Variants in DSCAM observed in about 807,000 individuals in gnomAD.
DSCAM encodes DS cell adhesion molecule.
Under a neutral mutation model 217.7 loss-of-function variants are expected in DSCAM, and 47 were observed. The observed-to-expected ratio is 0.22, with a 90% CI of 0.17 to 0.28. The LOEUF (loss-of-function observed/expected upper bound fraction) is 0.28. Ranked by LOEUF, DSCAM falls within the 10% of genes least tolerant of loss-of-function variation. The probability of loss-of-function intolerance (pLI) is 1.00; values close to 1 mark genes in which losing one functional copy is unlikely to be tolerated. For missense variants in DSCAM, 2,080 were observed against 2,618.3 expected (o/e 0.79, Z 4.49); for synonymous variants, 1,056 against 1,015.3 (o/e 1.04, Z -0.76).
chr21:40,090,986 C>G (rs2089601603), intron 21 of DSCAM, among the ~76,000 whole-genome samples: 1 of 152,170 alleles, frequency 6.6e-6, no homozygotes, highest in African/African-American at 2.4e-5. Context: ...CTTGCTATCT[C>G]CTTCTCCACC....
intron 3 of DSCAM, among the ~76,000 whole-genome samples, chr21:40,583,826 T>G (rs997899524): frequency 6.0e-5 from 9 of 150,494 alleles, no homozygotes; most frequent in African/African-American, 2.2e-4. Flanking sequence ...ATGTGTGGGA[T>G]CAGGGGTGTA....
intron 3 of DSCAM, among the ~76,000 whole-genome samples, chr21:40,685,132 T>C (rs2146433947): frequency 6.6e-6 from 1 of 152,352 alleles, no homozygotes; most frequent in East Asian, 1.9e-4. Context: ...TTTCTTCATT[T>C]GCTTTCTCCA....
intron 3 of DSCAM, among the ~76,000 whole-genome samples, chr21:40,656,239 CT>C (rs1341533399): frequency 1.3e-5 from 2 of 152,164 alleles, no homozygotes; most frequent in South Asian, 2.1e-4. Flanking sequence ...TTTCTACCCC[CT>C]TTTGAAGGCT....
chr21:40,426,405 C>T (rs1037110373), intron 3 of DSCAM, among the ~76,000 whole-genome samples: 13 of 152,282 alleles, frequency 8.5e-5, no homozygotes, highest in African/African-American at 3.1e-4. Flanking sequence ...GGCATTTTCA[C>T]GAGTGGACGT....
At chr21:40,393,423 G>A (rs910824865) in intron 3 of DSCAM, among the ~76,000 whole-genome samples, 2 of 152,084 alleles carry the variant, frequency 1.3e-5, no homozygotes, top group East Asian at 1.9e-4. Context: ...AAAATACAAC[G>A]AAAATTCTAG....
intron 2 of DSCAM, among the ~76,000 whole-genome samples, chr21:40,705,604 G>C (rs565920429): frequency 2.2e-4 from 34 of 152,240 alleles, no homozygotes; most frequent in Non-Finnish European, 3.2e-4. Context: ...TGCAAGCAAC[G>C]GAAGTGCCAG....
At chr21:40,178,891 CT>C (rs1388867583) in intron 15 of DSCAM, 35 bp downstream of exon 15, 1 of 1,611,632 alleles carries the variant, frequency 6.2e-7, no homozygotes. Context: ...AGCTCCCGGG[CT>C]CCTCTGGAGC....
chr21:40,385,797 T>A (rs182636526), intron 3 of DSCAM, among the ~76,000 whole-genome samples: 173 of 149,900 alleles, frequency 1.2e-3, no homozygotes, highest in African/African-American at 3.8e-3. Context: ...TTATATATAT[T>A]TTTTTAAGAA....
intron 3 of DSCAM, among the ~76,000 whole-genome samples, chr21:40,557,401 C>T (rs2076680893): frequency 6.6e-6 from 1 of 152,156 alleles, no homozygotes; most frequent in Non-Finnish European, 1.5e-5. Context: ...GTCCCCCAGG[C>T]TGGAGTGCAG....
chr21:40,607,997 G>A (rs963996570), intron 3 of DSCAM, among the ~76,000 whole-genome samples: 2 of 152,100 alleles, frequency 1.3e-5, no homozygotes, highest in Admixed American at 6.6e-5. Flanking sequence ...AGTGAGGAAG[G>A]GGGGAGTTTC....
At chr21:40,528,897 A>AATTTTTTTTTTTTTTTTT (rs2076420785) in intron 3 of DSCAM, among the ~76,000 whole-genome samples, 1 of 93,980 alleles carries the variant, frequency 1.1e-5, no homozygotes, top group African/African-American at 5.1e-5. Context: ...CAGGCTTTCC[A>AATTTTTTTTTTTTTTTTT]CTTTTTTTTT....
intron 3 of DSCAM, among the ~76,000 whole-genome samples, chr21:40,664,556 T>C (rs2090178377): frequency 6.6e-6 from 1 of 152,148 alleles, no homozygotes; most frequent in Non-Finnish European, 1.5e-5. Flanking sequence ...GAGAATTGCA[T>C]TGCAAATTCA....
At chr21:40,542,197 TACTC>T (rs775593489) in intron 3 of DSCAM, among the ~76,000 whole-genome samples, 21 of 152,288 alleles carry the variant, frequency 1.4e-4, no homozygotes, top group Non-Finnish European at 2.4e-4. Flanking sequence ...AAAAAATAAA[TACTC>T]AATCTCAAAA....
In DSCAM at chr21:40,016,961, G is replaced by T. The variant is rs1227184301; in HGVS notation, c.5687-3575C>A. 6.6e-6 allele frequency among the ~76,000 whole-genome samples: 1 copy of T among 152,034 alleles called. No homozygotes were observed. Among genetic ancestry groups the T allele is most frequent in the Non-Finnish European group, 1.5e-5 (1 of 67,988 alleles). ...GGAAACCCCGTCTCTACTGAAAATAGAAAAATCAGCTGGACGTGGTGGTAC... is the reference window on the plus strand; with the variant it reads ...GGAAACCCCGTCTCTACTGAAAATATAAAAATCAGCTGGACGTGGTGGTAC... On this transcript the variant is annotated intron_variant, in intron 32 of 32. Transcript: ENST00000400454. This position sits in a 1 kb window ranked among gnomAD's most constrained non-coding sequence, Gnocchi z 4.3.
At chr21:40,760,186 T>C (rs2091318482) in intron 1 of DSCAM, among the ~76,000 whole-genome samples, 1 of 151,822 alleles carries the variant, frequency 6.6e-6, no homozygotes, top group Non-Finnish European at 1.5e-5. Flanking sequence ...TTCATTTTTA[T>C]TGTTTTTAGT....
chr21:40,408,024 C>G (rs1167381437), intron 3 of DSCAM, among the ~76,000 whole-genome samples: 1 of 152,110 alleles, frequency 6.6e-6, no homozygotes, highest in East Asian at 1.9e-4. Flanking sequence ...GGTGGGTTTA[C>G]ACAGCACTAC....
chr21:40,209,527 C>T (rs2091161542), intron 11 of DSCAM, among the ~76,000 whole-genome samples: 1 of 152,180 alleles, frequency 6.6e-6, no homozygotes, highest in African/African-American at 2.4e-5. Flanking sequence ...TCTCCCATCT[C>T]TGGAGGTCAG....
At chr21:40,148,778 T>C (rs2090387718) in intron 16 of DSCAM, among the ~76,000 whole-genome samples, 1 of 151,972 alleles carries the variant, frequency 6.6e-6, no homozygotes, top group Admixed American at 6.6e-5. Context: ...AAAAATACTG[T>C]GAACACCACC....
At chr21:40,581,363 T>A (rs2076904419) in intron 3 of DSCAM, among the ~76,000 whole-genome samples, 1 of 152,174 alleles carries the variant, frequency 6.6e-6, no homozygotes, top group Non-Finnish European at 1.5e-5. Context: ...CTTTTATAAA[T>A]CTTATCTCTG....
Sources: allele counts gnomAD v4.1 joint callset (sites outside exome capture counted in the v4.1 genomes callset), GRCh38; gene constraint gnomAD v4.1.1; non-coding constraint Gnocchi (gnomAD v3.1); transcripts MANE v1.5; gene names NCBI Gene and HGNC (gene_info 2026-07-23, HGNC 2026-07-21).